CES5A: variants seen among roughly 807,000 people sequenced by gnomAD.
CES5A encodes the protein carboxylesterase 5.
A neutral mutation model predicts 62.9 loss-of-function variants in CES5A; 67 were observed. The observed-to-expected ratio is 1.07, with a 90% CI of 0.88 to 1.31. The LOEUF is 1.31. Among genes scored for constraint, CES5A ranks in the 50% most tolerant of loss-of-function variants. The pLI is 0.00. For synonymous variants in CES5A, 296 were observed against 280.8 expected (o/e 1.05, Z -0.54); for missense variants, 748 against 708.5 (o/e 1.06, Z -0.63).
Position 55,857,809 on chromosome 16 carries a change from A to G in CES5A, c.1057-1364T>C, listed in dbSNP as rs553475747. On this transcript the variant is annotated intron_variant, in intron 8 of 12. Transcript: ENST00000290567. ...TACCTGTGAGGCAGGTGCTAAGATT[A>G]GCCCTATTTCACAGATGAAGGAATG... Among the ~76,000 whole-genome samples the G allele has an allele frequency of 2.6e-5, 4 of 152,320 alleles. No homozygotes were observed. In the East Asian group the frequency reaches 5.8e-4, roughly 22 times the overall value.
At chr16:55,866,799 C>G (rs1214090667) in intron 4 of CES5A, among the ~76,000 whole-genome samples, 1 of 151,766 alleles carries the variant, frequency 6.6e-6, no homozygotes, top group Non-Finnish European at 1.5e-5. Context: ...GATCATGCCA[C>G]TGCACTCCAG....
intron 2 of CES5A, among the ~76,000 whole-genome samples, chr16:55,936,164 C>T (rs1349261214): frequency 9.2e-5 from 14 of 152,184 alleles, no homozygotes; most frequent in African/African-American, 3.4e-4. Flanking sequence ...ACTCCAGTAG[C>T]CATGCTGTTA....
intron 2 of CES5A, among the ~76,000 whole-genome samples, chr16:55,931,414 T>C (rs1358523195): frequency 3.9e-5 from 6 of 152,204 alleles, no homozygotes; most frequent in Non-Finnish European, 1.5e-5. Flanking sequence ...ACAACACACG[T>C]GGACTCAGTC....
intron 2 of CES5A, chr16:55,944,131 C>T (rs1421708938): frequency 5.7e-6 from 4 of 701,774 alleles, no homozygotes; most frequent in South Asian, 4.4e-5. Flanking sequence ...ATCTGACAAC[C>T]TCTCTGTATT....
intron 8 of CES5A, among the ~76,000 whole-genome samples, 184 bp downstream of exon 8, chr16:55,859,359 CACTT>C (rs1411029491): frequency 2.0e-5 from 3 of 152,224 alleles, no homozygotes; most frequent in Non-Finnish European, 4.4e-5. Flanking sequence ...GCAAGGCAGA[CACTT>C]GCTGTGACTG....
At chr16:55,904,466 ATAAGCCAC>A (rs1351511048) in intron 1 of CES5A, among the ~76,000 whole-genome samples, 6 of 152,182 alleles carry the variant, frequency 3.9e-5, no homozygotes, top group Non-Finnish European at 8.8e-5. Flanking sequence ...AAGGCAGATC[ATAAGCCAC>A]CAACTATAGA....
chr16:55,906,650 C>A (rs572724172), intron 1 of CES5A, among the ~76,000 whole-genome samples: 2 of 152,280 alleles, frequency 1.3e-5, no homozygotes, highest in Non-Finnish European at 2.9e-5. Flanking sequence ...TGCTGGGTAC[C>A]AGAATTGGAG....
At chr16:55,886,963 T>C (rs1445122295) in intron 1 of CES5A, among the ~76,000 whole-genome samples, 1 of 152,164 alleles carries the variant, frequency 6.6e-6, no homozygotes, top group Non-Finnish European at 1.5e-5. Context: ...TCCTACCATA[T>C]GCTGCATCCA....
chr16:55,932,496 A>T (rs2034325100), intron 2 of CES5A, among the ~76,000 whole-genome samples: 1 of 141,870 alleles, frequency 7.0e-6, no homozygotes, highest in African/African-American at 2.7e-5. Context: ...TCATTTGTTC[A>T]TTCATTAAAT....
intron 1 of CES5A, among the ~76,000 whole-genome samples, chr16:55,952,107 T>C (rs2034563787): frequency 6.6e-6 from 1 of 152,122 alleles, no homozygotes; most frequent in Non-Finnish European, 1.5e-5. Flanking sequence ...TGGGACAAAA[T>C]GTAATAAAAT....
At chr16:55,899,539 G>A (rs561263008) in intron 1 of CES5A, among the ~76,000 whole-genome samples, 1 of 152,312 alleles carries the variant, frequency 6.6e-6, no homozygotes, top group East Asian at 1.9e-4. Flanking sequence ...TGCAACACTG[G>A]TTCATCAGAA....
intron 3 of CES5A, 42 bp downstream of exon 3, chr16:55,871,583 T>A (rs1448535231): frequency 3.1e-6 from 5 of 1,609,794 alleles, no homozygotes; most frequent in Non-Finnish European, 4.2e-6. Flanking sequence ...CAGGCCAAGG[T>A]CCTGCTAGCT....
rs2397965 is a variant in CES5A, at chr16:55,873,899, C to T, written c.212G>A (p.Arg71Gln). 0.18 allele frequency: 284,554 copies of T among 1,613,404 alleles called. 28,332 individuals carry two copies. Among genetic ancestry groups the T allele is most frequent in the African/African-American group, 0.39 (29,174 of 74,940 alleles). ...PFAAPPLGSL[R>Q]FTNPQPASPW... ...CGATGCAGGCTGCGGGTTCGTAAATCGCAGGGATCCCAGCGGGGGAGCAGC... is the reference window on the plus strand; with the variant it reads ...CGATGCAGGCTGCGGGTTCGTAAATTGCAGGGATCCCAGCGGGGGAGCAGC... Residue 71 changes from arginine (R) to glutamine (Q), a missense_variant, in exon 2 of 13, where the codon CGA (arginine) becomes CAA (glutamine). Coordinates refer to ENST00000290567, the MANE Select transcript of CES5A (RefSeq NM_001143685.2).
intron 10 of CES5A, among the ~76,000 whole-genome samples, chr16:55,851,277 A>G (rs28824546): frequency 0.71 from 107,655 of 152,100 alleles, 38,218 homozygotes; most frequent in East Asian, 0.78. Context: ...CACAATATAT[A>G]AGGAACTCTT....
At chr16:55,903,191 G>T (rs1282866912) in intron 1 of CES5A, among the ~76,000 whole-genome samples, 3 of 152,014 alleles carry the variant, frequency 2.0e-5, no homozygotes, top group African/African-American at 7.2e-5. Context: ...TGAGAAACAG[G>T]GCACTCCTGG....
chr16:55,925,264 T>A (rs186850375), intron 1 of CES5A: 6 of 152,064 alleles, frequency 3.9e-5, no homozygotes, highest in African/African-American at 9.6e-5. Context: ...AAAACAATGT[T>A]CAACATCACT....
chr16:55,892,225 A>G (rs1442399111), intron 1 of CES5A, among the ~76,000 whole-genome samples: 1 of 152,136 alleles, frequency 6.6e-6, no homozygotes, highest in Non-Finnish European at 1.5e-5. Context: ...AAAATGTTTA[A>G]ATTTACCTAT....
intron 1 of CES5A, among the ~76,000 whole-genome samples, chr16:55,952,890 A>G (rs181477021): frequency 5.5e-4 from 84 of 152,314 alleles, no homozygotes; most frequent in Non-Finnish European, 9.4e-4. Context: ...GAAGAAGATA[A>G]AAACTACTCT....
Position 55,910,470 on chromosome 16 carries a change from T to C in CES5A, c.-256+14853A>G, listed in dbSNP as rs578253344. ...TTTCCTGAGGGCCTGTGCCACTTGC[T>C]CCCTGAGCCCCAGAAACACCATTAA... On this transcript the variant is annotated intron_variant, in intron 1 of 12. Transcript: ENST00000518005. Among the ~76,000 whole-genome samples, 6 of 152,304 alleles carry C rather than the reference T, an allele frequency of 3.9e-5. 1 individual carries two copies. The South Asian group carries it at 1.2e-3, about 32-fold the overall frequency.
Sources: allele counts gnomAD v4.1 joint callset (sites outside exome capture counted in the v4.1 genomes callset), GRCh38; gene constraint gnomAD v4.1.1; transcripts MANE v1.5; gene names NCBI Gene and HGNC (gene_info 2026-07-23, HGNC 2026-07-21).